TMEM117: variants seen among roughly 807,000 people sequenced by gnomAD.
TMEM117 encodes transmembrane protein 117.
In TMEM117, 27 loss-of-function variants were observed where a neutral mutation model predicts 52.4. The observed-to-expected ratio is 0.51, with a 90% CI of 0.38 to 0.71. TMEM117 has a LOEUF of 0.71. TMEM117 is among the 30% of genes least tolerant of loss of function. The pLI is 0.00. For missense variants in TMEM117, 556 were observed against 630.5 expected (o/e 0.88, Z 1.26); for synonymous variants, 215 against 206.3 (o/e 1.04, Z -0.36).
intron 6 of TMEM117, among the ~76,000 whole-genome samples, chr12:44,301,293 A>G (rs1453338654): frequency 6.6e-6 from 1 of 152,174 alleles, no homozygotes; most frequent in African/African-American, 2.4e-5. Context: ...TTATGGATTC[A>G]CTCAAAAACT....
At chr12:43,922,213 T>C (rs988606337) in intron 2 of TMEM117, among the ~76,000 whole-genome samples, 1 of 152,158 alleles carries the variant, frequency 6.6e-6, no homozygotes, top group Non-Finnish European at 1.5e-5. Context: ...TCTCTCTTTC[T>C]TGGTATTAGA....
intron 1 of TMEM117, among the ~76,000 whole-genome samples, chr12:43,836,953 G>T (rs988652834): frequency 6.6e-6 from 1 of 152,160 alleles, no homozygotes; most frequent in African/African-American, 2.4e-5. Flanking sequence ...TCCAAGGAAG[G>T]ACTTCTAGGA....
At chr12:43,909,260 C>A (rs867132247) in intron 2 of TMEM117, among the ~76,000 whole-genome samples, 10 of 55,438 alleles carry the variant, frequency 1.8e-4, no homozygotes, top group African/African-American at 3.1e-4. Flanking sequence ...GGGTACATAA[C>A]GAAATGAAGG....
At chr12:44,234,133 GT>G (rs1949965972) in intron 5 of TMEM117, among the ~76,000 whole-genome samples, 2 of 151,300 alleles carry the variant, frequency 1.3e-5, no homozygotes, top group African/African-American at 4.8e-5. Context: ...GTTGGGGATT[GT>G]ATACTCTTTT....
chr12:44,351,138 T>C (rs920120596), intron 6 of TMEM117, among the ~76,000 whole-genome samples: 5 of 152,188 alleles, frequency 3.3e-5, no homozygotes, highest in Non-Finnish European at 5.9e-5. Flanking sequence ...ATATGCCTGT[T>C]TGTCACTCAT....
chr12:43,836,789 A>ATGTGTG (rs950058570), intron 1 of TMEM117, among the ~76,000 whole-genome samples: 3 of 151,850 alleles, frequency 2.0e-5, no homozygotes, highest in Non-Finnish European at 2.9e-5. Flanking sequence ...AAGTATGTGT[A>ATGTGTG]TGTGTGTGTG....
intron 2 of TMEM117, among the ~76,000 whole-genome samples, chr12:43,896,323 C>A (rs12370425): frequency 7.9e-5 from 12 of 152,322 alleles, no homozygotes; most frequent in Admixed American, 7.2e-4. Flanking sequence ...CCCAATCTCC[C>A]TGTTTCCATC....
chr12:43,864,185 C>A (rs560845989), intron 2 of TMEM117, among the ~76,000 whole-genome samples: 59 of 152,342 alleles, frequency 3.9e-4, no homozygotes, highest in Middle Eastern at 3.4e-3. Context: ...TCACTCCCCC[C>A]GCAGTGGGTT....
Position 44,012,095 on chromosome 12 carries a change from G to A in TMEM117, c.410+67753G>A, listed in dbSNP as rs542938788. On this transcript the variant is annotated intron_variant, in intron 3 of 7. Coordinates refer to ENST00000266534, the MANE Select transcript of TMEM117 (RefSeq NM_032256.3). ...TGGAAAGCAAAACCATGGATAAGGG[G>A]GACACTGTATTTCACCCCAGTCTCT... Among the ~76,000 whole-genome samples, 9 of 152,298 alleles carry A rather than the reference G, an allele frequency of 5.9e-5. 1 individual carries two copies. The South Asian group carries it at 1.9e-3, about 32-fold the overall frequency.
chr12:44,061,625 T>G (rs1947139358), intron 3 of TMEM117, among the ~76,000 whole-genome samples: 1 of 152,170 alleles, frequency 6.6e-6, no homozygotes, highest in Non-Finnish European at 1.5e-5. Context: ...ATCCAGGATG[T>G]ACTTGGTATG....
At chr12:44,153,578 A>G (rs1474816796) in intron 4 of TMEM117, among the ~76,000 whole-genome samples, 1 of 152,044 alleles carries the variant, frequency 6.6e-6, no homozygotes, top group Non-Finnish European at 1.5e-5. Context: ...CTTTTGATAA[A>G]GATGGTGGAA....
chr12:44,072,102 C>A (rs1424134631), intron 3 of TMEM117, among the ~76,000 whole-genome samples: 2 of 152,126 alleles, frequency 1.3e-5, no homozygotes, highest in African/African-American at 4.8e-5. Context: ...TAAAGATAAA[C>A]AAGTTATCTC....
intron 3 of TMEM117, among the ~76,000 whole-genome samples, chr12:43,958,081 A>C (rs1248795446): frequency 6.6e-6 from 1 of 152,206 alleles, no homozygotes; most frequent in East Asian, 1.9e-4. Context: ...GAGGAAATAC[A>C]TAGTGAACTC....
Position 43,990,436 on chromosome 12 carries a change from G to A in TMEM117, c.410+46094G>A, listed in dbSNP as rs576685108. ...AGTTTTAGAAAAAAGATGGAATTGA[G>A]CACTACTGGCTTTTAATCTAAAAGG... is the stretch of plus-strand genomic sequence containing the variant. On this transcript the variant is annotated intron_variant, in intron 3 of 7. Transcript: ENST00000266534. Among the ~76,000 whole-genome samples the A allele has an allele frequency of 2.3e-3, 355 of 152,264 alleles. 3 individuals carry two copies. Among genetic ancestry groups the A allele is most frequent in the African/African-American group, 8.1e-3 (337 of 41,562 alleles).
chr12:44,219,768 C>A (rs2138421832), intron 5 of TMEM117, among the ~76,000 whole-genome samples: 2 of 152,242 alleles, frequency 1.3e-5, no homozygotes, highest in Admixed American at 1.3e-4. Flanking sequence ...AATAACTGTA[C>A]TCCTTGGAAA....
intron 1 of TMEM117, among the ~76,000 whole-genome samples, chr12:43,838,553 T>TTTC (rs1232423255): frequency 1.3e-5 from 2 of 149,528 alleles, no homozygotes; most frequent in Non-Finnish European, 3.0e-5. Flanking sequence ...TTTTTTTTTT[T>TTTC]TTCCCTCACC....
intron 4 of TMEM117, among the ~76,000 whole-genome samples, chr12:44,182,924 T>G (rs955920029): frequency 4.6e-5 from 7 of 152,208 alleles, no homozygotes; most frequent in Non-Finnish European, 1.5e-5. Flanking sequence ...ATCTATTAGT[T>G]GCCTTCTCTA....
chr12:44,340,486 G>A (rs897058158), intron 6 of TMEM117, among the ~76,000 whole-genome samples: 18 of 152,062 alleles, frequency 1.2e-4, no homozygotes, highest in Admixed American at 7.9e-4. Flanking sequence ...CCACAGTTCC[G>A]TTCTCAGTAA....
chr12:44,032,256 A>G (rs1040978783), intron 3 of TMEM117, among the ~76,000 whole-genome samples: 4 of 152,264 alleles, frequency 2.6e-5, no homozygotes, highest in Non-Finnish European at 5.9e-5. Flanking sequence ...AAGCAAATCA[A>G]TCTTACCGTG....
Sources: allele counts gnomAD v4.1 joint callset (sites outside exome capture counted in the v4.1 genomes callset), GRCh38; gene constraint gnomAD v4.1.1; transcripts MANE v1.5; gene names NCBI Gene and HGNC (gene_info 2026-07-23, HGNC 2026-07-21).